The following LIMCH1 variants were observed in gnomAD, a reference collection of about 807,000 sequenced individuals.
LIMCH1 encodes LIM and calponin homology domains 1, also known as LIM and calponin homology domains-containing protein 1.
LIMCH1 carries 113 observed loss-of-function variants against 176.5 expected under a neutral mutation model. That is an observed-to-expected ratio of 0.64 (90% CI 0.55 to 0.75). LIMCH1 has a LOEUF of 0.75. Among genes scored for constraint, LIMCH1 ranks in the 30% least tolerant of loss-of-function variants. The probability of loss-of-function intolerance (pLI) is 0.00; values close to 1 mark genes in which losing one functional copy is unlikely to be tolerated. For synonymous variants in LIMCH1, 619 were observed against 645.9 expected (o/e 0.96, Z 0.63); for missense variants, 1,674 against 1,814.9 (o/e 0.92, Z 1.41).
intron 1 of LIMCH1, among the ~76,000 whole-genome samples, chr4:41,475,000 A>G (rs2067519683): frequency 1.3e-5 from 2 of 152,194 alleles, no homozygotes; most frequent in South Asian, 2.1e-4. Flanking sequence ...AAGCCAGGAA[A>G]TTCTGTCATT....
intron 1 of LIMCH1, among the ~76,000 whole-genome samples, chr4:41,419,123 G>GTTTTATTTTATTTTA (rs148393298): frequency 1.4e-5 from 2 of 146,798 alleles, no homozygotes; most frequent in Non-Finnish European, 3.0e-5. Flanking sequence ...ACTACGTTTT[G>GTTTTATTTTATTTTA]TTTTATTTTA....
intron 1 of LIMCH1, among the ~76,000 whole-genome samples, chr4:41,575,280 T>C (rs1252243566): frequency 6.6e-6 from 1 of 152,244 alleles, no homozygotes; most frequent in East Asian, 1.9e-4. Flanking sequence ...CTCTGTATTA[T>C]TTCATCAGGT....
At chr4:41,605,356 A>T (rs1411829592) in intron 3 of LIMCH1, among the ~76,000 whole-genome samples, 2 of 152,182 alleles carry the variant, frequency 1.3e-5, no homozygotes, top group Admixed American at 6.5e-5. Context: ...TTTTGACTTT[A>T]ATTAGATATA....
In LIMCH1 at chr4:41,620,407, A is replaced by G; in HGVS notation, c.459-17A>G. 6.5e-7 allele frequency: 1 copy of G among 1,533,488 alleles called. No homozygotes were observed. The highest frequency in any genetic ancestry group is 8.7e-7 in the Non-Finnish European group (1 of 1,145,558). 95.0% of individuals were successfully genotyped at this position (1,533,488 alleles called of 1,614,324 possible). The stretch of plus-strand genomic sequence containing the variant: ...CCAGTCTGTTAGTTTGGTAAACCAT[A>G]TTGTCCAACTCACTAGCTTTCCTGA... On this transcript the variant is annotated splice_polypyrimidine_tract_variant and intron_variant, in intron 6 of 31. Coordinates refer to ENST00000503057, the MANE Select transcript of LIMCH1 (RefSeq NM_001330672.2).
intron 20 of LIMCH1, among the ~76,000 whole-genome samples, chr4:41,666,334 G>A (rs1015164588): frequency 7.2e-5 from 11 of 152,256 alleles, no homozygotes; most frequent in Admixed American, 2.6e-4. Flanking sequence ...TGGTCATTAC[G>A]TTTTTACGCT....
chr4:41,491,811 G>C (rs971385443), intron 1 of LIMCH1, among the ~76,000 whole-genome samples: 1 of 148,420 alleles, frequency 6.7e-6, no homozygotes, highest in Non-Finnish European at 1.5e-5. Flanking sequence ...CAGACGGGGC[G>C]GCCAGGCAGA....
chr4:41,583,559 T>C (rs1451317742), intron 1 of LIMCH1, among the ~76,000 whole-genome samples: 1 of 152,206 alleles, frequency 6.6e-6, no homozygotes, highest in Non-Finnish European at 1.5e-5. Flanking sequence ...ATATACTTTT[T>C]TTTCAACATT....
chr4:41,457,036 C>A (rs1024692636), intron 1 of LIMCH1, among the ~76,000 whole-genome samples: 1 of 152,134 alleles, frequency 6.6e-6, no homozygotes, highest in Non-Finnish European at 1.5e-5. Context: ...AAGGGAAATT[C>A]TACTTGGAAC....
At position 41,603,861 on chromosome 4, in the gene LIMCH1, C is replaced by G. The variant is rs1561890381; in HGVS notation, c.-133-14C>G. 6.3e-7 allele frequency: 1 copy of G among 1,594,668 alleles called. No individual in the cohort carries two copies. Among genetic ancestry groups the G allele is most frequent in the Non-Finnish European group, 8.6e-7 (1 of 1,164,432 alleles). On this transcript the variant is annotated splice_polypyrimidine_tract_variant and intron_variant, in intron 2 of 31. Coordinates refer to ENST00000503057, the MANE Select transcript of LIMCH1 (RefSeq NM_001330672.2). ...CTATTCTGACAATATTTTCTTTTCC[C>G]TTTCCTTGACTAGGAGCCTTGATTA...
intron 2 of LIMCH1, among the ~76,000 whole-genome samples, chr4:41,512,539 G>GTA (rs1366023136): frequency 6.6e-6 from 1 of 152,136 alleles, no homozygotes; most frequent in Non-Finnish European, 1.5e-5. Flanking sequence ...ATCAAATGTG[G>GTA]TATATCCTTG....
chr4:41,656,178 A>G (rs2094459526), intron 18 of LIMCH1, among the ~76,000 whole-genome samples: 1 of 152,140 alleles, frequency 6.6e-6, no homozygotes, highest in Non-Finnish European at 1.5e-5. Flanking sequence ...AAAATTCAGT[A>G]CTTATGTTTT....
At chr4:41,498,002 T>C (rs560088645) in intron 2 of LIMCH1, among the ~76,000 whole-genome samples, 1 of 152,188 alleles carries the variant, frequency 6.6e-6, no homozygotes, top group East Asian at 1.9e-4. Flanking sequence ...GAGTCTCAGC[T>C]GGGCAGAGGA....
At chr4:41,689,420 C>A (rs987900841) in intron 29 of LIMCH1, 107 bp from the exon 30 acceptor site, 1 of 619,328 alleles carries the variant, frequency 1.6e-6, no homozygotes, top group Non-Finnish European at 2.9e-6. Flanking sequence ...ATGATATAGG[C>A]ATCTTAAAAA....
chr4:41,665,629 C>T (rs569789303), intron 20 of LIMCH1, among the ~76,000 whole-genome samples: 7 of 152,212 alleles, frequency 4.6e-5, no homozygotes, highest in Admixed American at 3.9e-4. Context: ...ACACAGCCAC[C>T]AGCCAAAGAG....
intron 5 of LIMCH1, 144 bp from the exon 6 acceptor site, chr4:41,619,044 C>T: frequency 9.7e-7 from 1 of 1,034,448 alleles, no homozygotes; most frequent in East Asian, 2.4e-5. Context: ...TGTAACAAAT[C>T]TACACTTTAG....
At chr4:41,460,294 G>A in intron 1 of LIMCH1, among the ~76,000 whole-genome samples, 1 of 151,784 alleles carries the variant, frequency 6.6e-6, no homozygotes, top group African/African-American at 2.4e-5. Context: ...GTGACTAGTG[G>A]CTACCATATT....
chr4:41,488,139 G>A (rs1343957070), intron 1 of LIMCH1, among the ~76,000 whole-genome samples: 1 of 152,122 alleles, frequency 6.6e-6, no homozygotes, highest in Non-Finnish European at 1.5e-5. Flanking sequence ...GCTAAACTTT[G>A]TTGGGCTGTC....
chr4:41,360,777 C>A (rs1580975570), upstream of LIMCH1: 23 of 1,303,304 alleles, frequency 1.8e-5, no homozygotes, highest in East Asian at 7.2e-4. This position sits in a 1 kb window ranked among gnomAD's most constrained non-coding sequence, Gnocchi z 4.5. Flanking sequence ...GGAGCGCGCT[C>A]CTGCGGCGGC....
At chr4:41,474,512 A>G (rs2067443824) in intron 1 of LIMCH1, among the ~76,000 whole-genome samples, 1 of 152,172 alleles carries the variant, frequency 6.6e-6, no homozygotes. Context: ...AAATGGGCAA[A>G]GGACCTGGAT....
Sources: gnomAD v4.1 joint callset for allele counts (sites outside exome capture counted in the v4.1 genomes callset) on GRCh38, gnomAD v4.1.1 for gene constraint, Gnocchi (gnomAD v3.1) non-coding constraint, MANE v1.5 for transcripts, NCBI Gene and HGNC (gene_info 2026-07-23, HGNC 2026-07-21) for gene names.